The following SRFBP1 variants were observed in gnomAD, a reference collection of about 807,000 sequenced individuals.
SRFBP1 encodes serum response factor-binding protein 1.
In SRFBP1, 47 loss-of-function variants were observed where a neutral mutation model predicts 45.5. That is an observed-to-expected ratio of 1.03 (90% CI 0.82 to 1.32). The LOEUF is 1.32. Among genes scored for constraint, SRFBP1 ranks in the 40% most tolerant of loss-of-function variants. SRFBP1 has a pLI of 0.00. For missense variants in SRFBP1, 621 were observed against 484.6 expected, an observed-to-expected ratio of 1.28 and a Z score of -2.64; for synonymous variants, 203 against 166.3, an observed-to-expected ratio of 1.22 and a Z score of -1.70.
chr5:122,052,709 T>C (rs1754011580), intron 2 of SRFBP1, among the ~76,000 whole-genome samples: 1 of 152,192 alleles, frequency 6.6e-6, no homozygotes, highest in Admixed American at 6.5e-5. Context: ...TCAACCTCAA[T>C]GATCTTCATT....
chr5:121,975,461 G>A, intron 3 of SRFBP1, 74 bp downstream of exon 3: 1 of 1,525,518 alleles, frequency 6.6e-7, no homozygotes, highest in Non-Finnish European at 9.1e-7. Flanking sequence ...TTTGTGTGTG[G>A]TATTGCTTAT....
In SRFBP1 at chr5:122,027,790, G is replaced by A. The variant is rs930266564; in HGVS notation, c.*664G>A. The A allele has an allele frequency of 6.6e-6, 1 of 151,940 alleles. No individual in the cohort carries two copies. Among genetic ancestry groups the A allele is most frequent in the Admixed American group, 6.6e-5 (1 of 15,258 alleles). The allele number at this position is 151,940 out of a possible 1,614,324, so 9.4% of individuals were successfully genotyped here. ...AAGTACTTGTGATCATGTACTTTTT[G>A]ATTCTAAAATAGTTGTCTAGGACAA... On this transcript the variant is annotated 3_prime_UTR_variant, in exon 8 of 8. Coordinates refer to ENST00000339397, the MANE Select transcript of SRFBP1 (RefSeq NM_152546.3).
intron 2 of SRFBP1, among the ~76,000 whole-genome samples, chr5:122,071,695 A>T (rs1419053614): frequency 6.6e-6 from 1 of 152,210 alleles, no homozygotes; most frequent in Non-Finnish European, 1.5e-5. Context: ...ATTTAAATTC[A>T]AAGTACATGC....
intron 3 of SRFBP1, among the ~76,000 whole-genome samples, chr5:121,991,967 T>G (rs1752630040): frequency 6.6e-6 from 1 of 152,182 alleles, no homozygotes; most frequent in Non-Finnish European, 1.5e-5. Flanking sequence ...TGTCTAATTA[T>G]TGGCATTATT....
Position 122,009,423 on chromosome 5 carries a change from C to T in SRFBP1, c.271-9837C>T, listed in dbSNP as rs970871893. 3.9e-5 allele frequency among the ~76,000 whole-genome samples: 6 copies of T among 152,120 alleles called. No individual in the cohort carries two copies. In the East Asian group the frequency reaches 1.2e-3, roughly 29 times the overall value. On this transcript the variant is annotated intron_variant, in intron 4 of 7. Transcript: ENST00000339397. ...GATAATATTTTCTCTTTCTTTTCCC[C>T]CCTTTTCATGTTTTCTGCCTACTTT... is the stretch of plus-strand genomic sequence containing the variant.
At chr5:121,979,295 G>A (rs999462753) in intron 3 of SRFBP1, among the ~76,000 whole-genome samples, 3 of 152,100 alleles carry the variant, frequency 2.0e-5, no homozygotes, top group Non-Finnish European at 4.4e-5. Flanking sequence ...TTCATATACT[G>A]TTTAGAATTT....
At chr5:121,983,896 C>A (rs1216900711) in intron 3 of SRFBP1, among the ~76,000 whole-genome samples, 1 of 151,706 alleles carries the variant, frequency 6.6e-6, no homozygotes, top group Non-Finnish European at 1.5e-5. Flanking sequence ...CTAAAATTAG[C>A]TTCCTATTGT....
At chr5:122,069,758 A>T (rs1399554101) in intron 2 of SRFBP1, among the ~76,000 whole-genome samples, 2 of 152,092 alleles carry the variant, frequency 1.3e-5, no homozygotes, top group Non-Finnish European at 2.9e-5. Flanking sequence ...CACTCTACAT[A>T]TTGAGCAATT....
downstream of SRFBP1, among the ~76,000 whole-genome samples, chr5:122,030,880 A>G (rs575396637): frequency 4.6e-5 from 7 of 152,358 alleles, no homozygotes; most frequent in East Asian, 1.3e-3. Flanking sequence ...AAGGTTGAAC[A>G]ACTAAAAGAT....
chr5:122,019,379 T>C (rs1388353113), intron 5 of SRFBP1, 38 bp downstream of exon 5: 4 of 1,512,588 alleles, frequency 2.6e-6, no homozygotes, highest in Non-Finnish European at 3.6e-6. Flanking sequence ...GTACTTAATG[T>C]ATTTGTAGAC....
chr5:122,051,452 A>G (rs1188425224), intron 2 of SRFBP1, among the ~76,000 whole-genome samples: 7 of 151,098 alleles, frequency 4.6e-5, no homozygotes, highest in South Asian at 2.1e-4. Context: ...GGCTCCCTAT[A>G]TATTTAGGAT....
At chr5:122,003,474 T>A (rs1752916360) in intron 4 of SRFBP1, among the ~76,000 whole-genome samples, 1 of 152,218 alleles carries the variant, frequency 6.6e-6, no homozygotes, top group African/African-American at 2.4e-5. Flanking sequence ...ACAATATATT[T>A]GTTTTTATTT....
chr5:121,975,652 T>C (rs1474740995), intron 3 of SRFBP1, among the ~76,000 whole-genome samples: 1 of 152,028 alleles, frequency 6.6e-6, no homozygotes, highest in Non-Finnish European at 1.5e-5. Flanking sequence ...TGTTTAATAA[T>C]GCCTCCTGCC....
chr5:121,969,321 A>G (rs1014770534), intron 1 of SRFBP1, among the ~76,000 whole-genome samples: 1 of 152,106 alleles, frequency 6.6e-6, no homozygotes, highest in Non-Finnish European at 1.5e-5. Context: ...TTTTAGTTGC[A>G]TGATTCATGT....
intron 4 of SRFBP1, among the ~76,000 whole-genome samples, chr5:122,014,884 T>C (rs1390629726): frequency 3.3e-5 from 5 of 152,214 alleles, no homozygotes; most frequent in South Asian, 4.1e-4. Flanking sequence ...GCAAAGATTT[T>C]AGCAAGTTGT....
At chr5:121,981,526 C>T (rs1385257775) in intron 3 of SRFBP1, among the ~76,000 whole-genome samples, 2 of 149,200 alleles carry the variant, frequency 1.3e-5, no homozygotes, top group East Asian at 2.0e-4. Context: ...CTCTCTGTTG[C>T]TTCTGTATCT....
At chr5:122,021,335 T>C (rs1753317782) in intron 6 of SRFBP1, among the ~76,000 whole-genome samples, 1 of 152,216 alleles carries the variant, frequency 6.6e-6, no homozygotes, top group South Asian at 2.1e-4. Flanking sequence ...TGTTCTGTTA[T>C]AAAACAGTAA....
rs1752011972 is a variant in SRFBP1 at position 121,964,204 on chromosome 5, TTA to T, written c.36+2140_36+2141del. ...CTTCTCAAACTTTAATCTTTTTTTT[TTA>T]TATGTATACTTTAAGTTCTGGGGTA... is the stretch of plus-strand genomic sequence containing the variant. On this transcript the variant is annotated intron_variant, in intron 1 of 7. Coordinates refer to ENST00000339397, the MANE Select transcript of SRFBP1 (RefSeq NM_152546.3). 5.9e-5 allele frequency among the ~76,000 whole-genome samples: 9 copies of T among 152,264 alleles called. No homozygotes were observed. The South Asian group carries it at 1.9e-3, about 32-fold the overall frequency.
intron 4 of SRFBP1, among the ~76,000 whole-genome samples, chr5:122,018,412 A>G (rs555116750): frequency 1.3e-5 from 2 of 152,344 alleles, no homozygotes; most frequent in South Asian, 2.1e-4. Flanking sequence ...ATTTGGAACC[A>G]CAGGGTGTAT....
Sources: allele counts gnomAD v4.1 joint callset (sites outside exome capture counted in the v4.1 genomes callset), GRCh38; gene constraint gnomAD v4.1.1; transcripts MANE v1.5; gene names NCBI Gene and HGNC (gene_info 2026-07-23, HGNC 2026-07-21).